The following DAD1 variants were observed in gnomAD, a reference collection of about 807,000 sequenced individuals.
DAD1 encodes the protein dolichyl-diphosphooligosaccharide--protein glycosyltransferase subunit DAD1.
DAD1 carries 4 observed loss-of-function variants against 9.0 expected under a neutral mutation model. That is an observed-to-expected ratio of 0.44 (90% CI 0.22 to 1.01). The LOEUF is 1.01. Among genes scored for constraint, DAD1 ranks in the 50% least tolerant of loss-of-function variants. The pLI, the probability that DAD1 is intolerant of heterozygous loss-of-function variation, is 0.24. For synonymous variants in DAD1, 60 were observed against 62.5 expected (o/e 0.96, Z 0.19); for missense variants, 119 against 137.3 (o/e 0.87, Z 0.67).
At chr14:22,568,556 C>T (rs962129783) in intron 2 of DAD1, among the ~76,000 whole-genome samples, 3 of 152,218 alleles carry the variant, frequency 2.0e-5, no homozygotes, top group Admixed American at 6.5e-5. Context: ...TGCTGAGAGG[C>T]ATTAACAGTG....
intron 2 of DAD1, 125 bp downstream of exon 2, chr14:22,574,934 A>G: frequency 1.3e-6 from 1 of 740,998 alleles, no homozygotes; most frequent in Admixed American, 2.6e-5. Context: ...TTTGCAGACC[A>G]ATGGAAAATT....
At chr14:22,574,283 C>T (rs933249508) in intron 2 of DAD1, among the ~76,000 whole-genome samples, 8 of 152,038 alleles carry the variant, frequency 5.3e-5, no homozygotes, top group African/African-American at 7.3e-5. Context: ...TGTTGACATA[C>T]GGTATGGAAA....
intron 2 of DAD1, among the ~76,000 whole-genome samples, chr14:22,567,752 AG>A (rs1299745323): frequency 6.6e-6 from 1 of 152,182 alleles, no homozygotes; most frequent in East Asian, 1.9e-4. Context: ...CACTGCAAAA[AG>A]CTCTGTTGGA....
chr14:22,585,091 A>G (rs1437246563), intron 1 of DAD1, among the ~76,000 whole-genome samples: 1 of 152,248 alleles, frequency 6.6e-6, no homozygotes, highest in African/African-American at 2.4e-5. Context: ...GATAATTCCA[A>G]AAGAAATGCT....
chr14:22,576,564 T>A (rs5742788), intron 1 of DAD1, among the ~76,000 whole-genome samples: 4,610 of 152,290 alleles, frequency 0.03, 105 homozygotes, highest in Middle Eastern at 0.061. Flanking sequence ...GATTTAGCAA[T>A]GATTTATTGG....
At chr14:22,565,275 A>G in intron 2 of DAD1, 138 bp from the exon 3 acceptor site, 1 of 558,118 alleles carries the variant, frequency 1.8e-6, no homozygotes, top group South Asian at 2.3e-5. Flanking sequence ...GGCGAGAAAA[A>G]CTAGAAAGAA....
At chr14:22,575,378 G>T in intron 1 of DAD1, 145 bp from the exon 2 acceptor site, 2 of 849,010 alleles carry the variant, frequency 2.4e-6, no homozygotes, top group Non-Finnish European at 3.5e-6. Context: ...ACACAGAAAT[G>T]ATACCCAGAT....
intron 2 of DAD1, among the ~76,000 whole-genome samples, chr14:22,571,625 C>CA (rs1419287438): frequency 9.1e-5 from 10 of 109,828 alleles, no homozygotes; most frequent in Non-Finnish European, 1.8e-4. Flanking sequence ...GCAAGGGGCT[C>CA]TTTTTTTTTT....
At chr14:22,586,192 T>G (rs1377052577) in intron 1 of DAD1, among the ~76,000 whole-genome samples, 2 of 127,224 alleles carry the variant, frequency 1.6e-5, no homozygotes, top group Admixed American at 1.6e-4. Flanking sequence ...AGAGTGAGAC[T>G]CCGTCTCAAA....
At chr14:22,578,080 C>T (rs2037090168) in intron 1 of DAD1, among the ~76,000 whole-genome samples, 1 of 150,532 alleles carries the variant, frequency 6.6e-6, no homozygotes, top group Non-Finnish European at 1.5e-5. Context: ...ATGGAGAAAC[C>T]CCTTGTCTAC....
chr14:22,587,010 T>G (rs559952941), intron 1 of DAD1, among the ~76,000 whole-genome samples: 1 of 152,250 alleles, frequency 6.6e-6, no homozygotes, highest in South Asian at 2.1e-4. Context: ...TTTTACTAGG[T>G]TTTTCTTCAA....
At chr14:22,565,426 C>T (rs1248631627) in intron 2 of DAD1, among the ~76,000 whole-genome samples, 2 of 151,114 alleles carry the variant, frequency 1.3e-5, no homozygotes, top group Non-Finnish European at 2.9e-5. Flanking sequence ...ATTAATTAGC[C>T]GCAAGACTTC....
chr14:22,573,510 C>G (rs752247383), intron 2 of DAD1, among the ~76,000 whole-genome samples: 2 of 151,770 alleles, frequency 1.3e-5, no homozygotes, highest in East Asian at 3.9e-4. Flanking sequence ...GTCAGGAGAT[C>G]GAGATCATCC....
intron 1 of DAD1, among the ~76,000 whole-genome samples, chr14:22,578,925 T>C (rs2037096760): frequency 6.6e-6 from 1 of 152,192 alleles, no homozygotes; most frequent in African/African-American, 2.4e-5. Flanking sequence ...TTTCTAATTA[T>C]ACCTAGATGG....
At position 22,589,134 on chromosome 14, in the gene DAD1, G is replaced by A. The variant is rs1204137445; in HGVS notation, c.24C>T (p.Val8=). 1.9e-6 allele frequency: 3 copies of A among 1,614,084 alleles called. No homozygotes were observed. Among genetic ancestry groups the A allele is most frequent in the Middle Eastern group, 1.6e-4 (1 of 6,084 alleles). Residue 8 remains valine (V), a synonymous_variant, in exon 1 of 3, where the codon GTC becomes GTT. Coordinates refer to ENST00000250498, the MANE Select transcript of DAD1 (RefSeq NM_001344.4). ...AGTACTCTTCTAAGAACCGCGAAATGACAGACACTACCGACGCCGACATAA... is the reference window on the plus strand; with the variant it reads ...AGTACTCTTCTAAGAACCGCGAAATAACAGACACTACCGACGCCGACATAA... The part of the protein sequence containing the change: MSASVVS[V]ISRFLEEYLS...
At chr14:22,570,718 T>C (rs1269380194) in intron 2 of DAD1, among the ~76,000 whole-genome samples, 1 of 152,236 alleles carries the variant, frequency 6.6e-6, no homozygotes, top group Non-Finnish European at 1.5e-5. Context: ...TGCCCAACCC[T>C]GTAGCCCCCT....
intron 1 of DAD1, 29 bp from the exon 2 acceptor site, chr14:22,575,262 G>C (rs780166472): frequency 9.9e-6 from 16 of 1,611,116 alleles, no homozygotes; most frequent in Non-Finnish European, 1.3e-5. Flanking sequence ...ACAAAAAAAT[G>C]ATTATATAGA....
intron 1 of DAD1, among the ~76,000 whole-genome samples, chr14:22,584,874 A>C (rs2037142038): frequency 6.6e-6 from 1 of 152,276 alleles, no homozygotes; most frequent in South Asian, 2.1e-4. Context: ...ACAATAGAAG[A>C]TGGACTGGAA....
rs959567793 is a variant in DAD1 at position 22,584,773 on chromosome 14, C to CA, written c.211+4173dup. Among the ~76,000 whole-genome samples, 13 of 150,760 alleles carry CA rather than the reference C, an allele frequency of 8.6e-5. No homozygotes were observed. The East Asian group carries it at 9.7e-4, about 11-fold the overall frequency. On this transcript the variant is annotated intron_variant, in intron 1 of 2. Coordinates refer to ENST00000250498, the MANE Select transcript of DAD1 (RefSeq NM_001344.4). ...CCAGATCATGAAAGAGCCTGTATGT[C>CA]AAAAAAAAAGTTTTAATTTTACTTT...
Sources: allele counts gnomAD v4.1 joint callset (sites outside exome capture counted in the v4.1 genomes callset), GRCh38; gene constraint gnomAD v4.1.1; transcripts MANE v1.5; gene names NCBI Gene and HGNC (gene_info 2026-07-23, HGNC 2026-07-21).